Variants in USP28 observed in about 807,000 individuals in gnomAD.
The protein encoded by USP28 is ubiquitin carboxyl-terminal hydrolase 28.
A neutral mutation model predicts 145.0 loss-of-function variants in USP28; 113 were observed. That is an observed-to-expected ratio of 0.78 (90% CI 0.67 to 0.91). The LOEUF is 0.91. Ranked by LOEUF, USP28 falls within the 40% of genes least tolerant of loss-of-function variation. The probability of loss-of-function intolerance (pLI) is 0.00; values close to 1 mark genes in which losing one functional copy is unlikely to be tolerated. For missense variants in USP28, 1,201 were observed against 1,289.6 expected (o/e 0.93, Z 1.05); for synonymous variants, 447 against 450.9 (o/e 0.99, Z 0.11).
chr11:113,831,809 G>A (rs1464962498), intron 8 of USP28, 111 bp downstream of exon 8: 18 of 967,506 alleles, frequency 1.9e-5, no homozygotes, highest in East Asian at 7.9e-5. Context: ...ATCCCAGGAG[G>A]TATGGTTAAA....
chr11:113,812,060 T>C (rs1941070669), intron 16 of USP28, among the ~76,000 whole-genome samples: 1 of 152,198 alleles, frequency 6.6e-6, no homozygotes, highest in Non-Finnish European at 1.5e-5. Context: ...AACCTAACAT[T>C]GTGTACTTGT....
intron 5 of USP28, among the ~76,000 whole-genome samples, chr11:113,839,312 T>C (rs958203896): frequency 1.3e-5 from 2 of 152,164 alleles, no homozygotes; most frequent in African/African-American, 4.8e-5. Flanking sequence ...TTGTGGGGCA[T>C]GGTGGCTCAG....
chr11:113,810,029 C>A (rs1184633845), intron 16 of USP28, among the ~76,000 whole-genome samples: 1 of 106,924 alleles, frequency 9.4e-6, no homozygotes, highest in African/African-American at 3.9e-5. Context: ...AGTGAGACTC[C>A]ATCTCAAAAA....
At chr11:113,822,541 T>G (rs149360248) in intron 12 of USP28, 1 of 150,572 alleles carries the variant, frequency 6.6e-6, no homozygotes, top group East Asian at 1.9e-4. Context: ...CTCAAACTCC[T>G]GAGCACAGGC....
intron 11 of USP28, 28 bp downstream of exon 11, chr11:113,827,205 G>GA (rs370867434): frequency 0.041 from 41,323 of 1,016,292 alleles, 24 homozygotes; most frequent in South Asian, 0.047. Context: ...AATACCTCAG[G>GA]AAAAAAAAAA....
intron 12 of USP28, among the ~76,000 whole-genome samples, chr11:113,819,119 T>TC (rs1331515482): frequency 6.6e-6 from 1 of 151,432 alleles, no homozygotes; most frequent in East Asian, 1.9e-4. Context: ...TTTATTCTTT[T>TC]TTTTTTTTTT....
chr11:113,799,218 T>C (rs760723205), exon 25 of USP28: 4 of 1,602,696 alleles, frequency 2.5e-6, no homozygotes, highest in Non-Finnish European at 3.4e-6. Flanking sequence ...GGAACCAGAA[T>C]GGGCCTTGAA....
chr11:113,853,804 G>A (rs751115747), intron 2 of USP28, among the ~76,000 whole-genome samples: 5 of 150,568 alleles, frequency 3.3e-5, no homozygotes, highest in Non-Finnish European at 5.9e-5. Flanking sequence ...GCTTGAATGC[G>A]GGAGGGAGAG....
At chr11:113,869,901 G>A (rs566503988) in intron 1 of USP28, among the ~76,000 whole-genome samples, 8 of 152,284 alleles carry the variant, frequency 5.3e-5, no homozygotes, top group South Asian at 2.1e-4. Context: ...AGGTGTTCAC[G>A]CCTGTAATCC....
chr11:113,842,579 C>T (rs924931155), intron 3 of USP28, among the ~76,000 whole-genome samples: 2 of 145,948 alleles, frequency 1.4e-5, no homozygotes, highest in South Asian at 2.2e-4. Context: ...AGTGAGACTC[C>T]GTCTCAGAAA....
intron 12 of USP28, among the ~76,000 whole-genome samples, chr11:113,822,992 T>C (rs1454005428): frequency 6.6e-6 from 1 of 152,304 alleles, no homozygotes; most frequent in East Asian, 1.9e-4. Flanking sequence ...AGCTATTGAC[T>C]GTGTATGGGA....
intron 5 of USP28, among the ~76,000 whole-genome samples, chr11:113,840,198 T>C (rs1241960691): frequency 6.6e-6 from 1 of 152,178 alleles, no homozygotes; most frequent in East Asian, 1.9e-4. Context: ...ACCAATCCTG[T>C]AGATTTGATC....
chr11:113,863,214 G>C (rs1299925931), intron 1 of USP28, among the ~76,000 whole-genome samples: 1 of 152,018 alleles, frequency 6.6e-6, no homozygotes, highest in Non-Finnish European at 1.5e-5. Context: ...GCAAAATTCA[G>C]TTGTGTTTTT....
chr11:113,868,708 C>T (rs1265201637), intron 1 of USP28, among the ~76,000 whole-genome samples: 4 of 151,868 alleles, frequency 2.6e-5, no homozygotes, highest in African/African-American at 7.3e-5. Flanking sequence ...ATCACTGGAG[C>T]GCGGGAGTTC....
At chr11:113,851,466 A>G (rs1038898676) in intron 3 of USP28, among the ~76,000 whole-genome samples, 1 of 152,014 alleles carries the variant, frequency 6.6e-6, no homozygotes, top group Non-Finnish European at 1.5e-5. Flanking sequence ...TAGGGCCTCA[A>G]ATGACTTACT....
At chr11:113,822,009 T>C (rs930311381) in intron 12 of USP28, 1 of 152,138 alleles carries the variant, frequency 6.6e-6, no homozygotes, top group African/African-American at 2.4e-5. Context: ...AAAAGTATTA[T>C]CATGCTAAGG....
At chr11:113,852,431 C>T in intron 3 of USP28, 70 bp downstream of exon 3, 1 of 1,573,716 alleles carries the variant, frequency 6.4e-7, no homozygotes, top group South Asian at 1.1e-5. Flanking sequence ...TGACAGGGAA[C>T]TCACATATAC....
At chr11:113,842,815 C>T (rs1307560709) in intron 3 of USP28, among the ~76,000 whole-genome samples, 1 of 152,012 alleles carries the variant, frequency 6.6e-6, no homozygotes, top group Non-Finnish European at 1.5e-5. Flanking sequence ...CCATGAAAAG[C>T]CCATAGAAAA....
At chr11:113,871,881 A>G (rs1296338457) in intron 1 of USP28, among the ~76,000 whole-genome samples, 1 of 152,200 alleles carries the variant, frequency 6.6e-6, no homozygotes, top group African/African-American at 2.4e-5. Flanking sequence ...TGGGCCCATC[A>G]ACTATGAGAT....
Sources: gnomAD v4.1 joint callset for allele counts (sites outside exome capture counted in the v4.1 genomes callset) on GRCh38, gnomAD v4.1.1 for gene constraint, MANE v1.5 for transcripts, NCBI Gene and HGNC (gene_info 2026-07-23, HGNC 2026-07-21) for gene names.